Variants in PRR5L observed in about 807,000 individuals in gnomAD.
PRR5L encodes proline-rich protein 5-like.
A neutral mutation model predicts 36.4 loss-of-function variants in PRR5L; 21 were observed. The observed-to-expected ratio is 0.58, with a 90% confidence interval of 0.41 to 0.83. The LOEUF (loss-of-function observed/expected upper bound fraction) is 0.83. PRR5L is among the 40% of genes least tolerant of loss of function. The pLI is 0.00. For missense variants in PRR5L, 381 were observed against 473.3 expected (o/e 0.80, Z 1.81); for synonymous variants, 188 against 197.0 (o/e 0.95, Z 0.38).
chr11:36,459,407 C>G (rs558835500), intron 8 of PRR5L, among the ~76,000 whole-genome samples: 1 of 152,294 alleles, frequency 6.6e-6, no homozygotes, highest in Non-Finnish European at 1.5e-5. Context: ...TTTGCTTCCT[C>G]TCTTGGGACT....
intron 3 of PRR5L, among the ~76,000 whole-genome samples, chr11:36,418,106 G>A (rs1858185115): frequency 1.3e-5 from 2 of 152,158 alleles, no homozygotes; most frequent in African/African-American, 4.8e-5. Context: ...TTATTAACGT[G>A]CTATCTATCC....
chr11:36,418,319 A>G (rs1393183754), intron 3 of PRR5L, among the ~76,000 whole-genome samples: 1 of 151,958 alleles, frequency 6.6e-6, no homozygotes, highest in Non-Finnish European at 1.5e-5. Context: ...CACCCAAACC[A>G]TGGTACCAAG....
At chr11:36,350,954 A>AGT (rs1554986957) in intron 1 of PRR5L, among the ~76,000 whole-genome samples, 2 of 13,986 alleles carry the variant, frequency 1.4e-4, no homozygotes, top group East Asian at 6.5e-3. Flanking sequence ...ATATATATTT[A>AGT]TATATATTTA....
chr11:36,343,975 G>A (rs71481912), intron 1 of PRR5L, among the ~76,000 whole-genome samples: 3,617 of 151,796 alleles, frequency 0.024, 64 homozygotes, highest in South Asian at 0.04. Context: ...CGAGCACTTT[G>A]GGAGGCCGAG....
chr11:36,296,758 A>G (rs1022234526), intron 1 of PRR5L, among the ~76,000 whole-genome samples: 4 of 152,178 alleles, frequency 2.6e-5, no homozygotes, highest in Non-Finnish European at 5.9e-5. Context: ...CTCTTTCTCT[A>G]TGTATTGCAT....
At chr11:36,383,871 T>C (rs1041934222) in intron 1 of PRR5L, among the ~76,000 whole-genome samples, 20 of 152,048 alleles carry the variant, frequency 1.3e-4, no homozygotes, top group African/African-American at 4.6e-4. Flanking sequence ...AATTTTTGTA[T>C]CTTTAGTAGA....
At chr11:36,358,791 T>C (rs75259248) in intron 1 of PRR5L, among the ~76,000 whole-genome samples, 1 of 151,930 alleles carries the variant, frequency 6.6e-6, no homozygotes, top group East Asian at 1.9e-4. Context: ...AAATACACAA[T>C]GGAAGTAAGA....
intron 1 of PRR5L, among the ~76,000 whole-genome samples, chr11:36,316,594 C>G (rs535744621): frequency 5.1e-4 from 78 of 152,000 alleles, no homozygotes; most frequent in Non-Finnish European, 9.0e-4. Flanking sequence ...GGTCAGATCA[C>G]AGAACTGGTT....
chr11:36,346,680 G>A (rs978420463), intron 1 of PRR5L, among the ~76,000 whole-genome samples: 3 of 152,008 alleles, frequency 2.0e-5, no homozygotes, highest in Non-Finnish European at 4.4e-5. Context: ...TGAAATAATA[G>A]ACGAAACTGT....
At chr11:36,300,079 G>A (rs911911993) in intron 1 of PRR5L, among the ~76,000 whole-genome samples, 2 of 152,128 alleles carry the variant, frequency 1.3e-5, no homozygotes, top group Non-Finnish European at 2.9e-5. Flanking sequence ...GAATAATGAA[G>A]TACAAGTGAA....
chr11:36,448,081 C>T lies in PRR5L; in HGVS notation c.585+1641C>T, dbSNP rs547423584. Among the ~76,000 whole-genome samples the T allele has an allele frequency of 2.8e-4, 42 of 152,196 alleles. 1 individual carries two copies. The South Asian group carries it at 7.9e-3, about 29-fold the overall frequency. On this transcript the variant is annotated intron_variant, in intron 7 of 8. Coordinates refer to ENST00000530639, the MANE Select transcript of PRR5L (RefSeq NM_001160167.2). ...TGGTTTTGTGGGAAGGAGAATTGAT[C>T]CAGTCCTGCAGGTGAAGACTCTCAC...
intron 1 of PRR5L, among the ~76,000 whole-genome samples, chr11:36,309,921 A>G (rs1006947010): frequency 3.6e-3 from 10 of 2,746 alleles, no homozygotes; most frequent in Admixed American, 0.011. Context: ...GTTATGTGGC[A>G]ATTCTTTGAC....
intron 1 of PRR5L, chr11:36,376,296 G>A (rs1857257624): frequency 8.9e-7 from 1 of 1,124,888 alleles, no homozygotes; most frequent in Non-Finnish European, 1.1e-6. Flanking sequence ...GGAAAAGTGG[G>A]AGGAGAAGGA....
At chr11:36,446,717 C>T (rs1298085691) in intron 7 of PRR5L, among the ~76,000 whole-genome samples, 1 of 152,124 alleles carries the variant, frequency 6.6e-6, no homozygotes, top group African/African-American at 2.4e-5. Flanking sequence ...ATGCCCTTTT[C>T]CCCTCTCCAG....
intron 1 of PRR5L, among the ~76,000 whole-genome samples, chr11:36,354,512 A>G (rs1857006596): frequency 6.6e-6 from 1 of 152,238 alleles, no homozygotes; most frequent in African/African-American, 2.4e-5. Context: ...CTATATGCAC[A>G]GAAGCAGTGA....
chr11:36,445,536 G>A (rs944416587), intron 6 of PRR5L, among the ~76,000 whole-genome samples: 1 of 151,832 alleles, frequency 6.6e-6, no homozygotes, highest in Non-Finnish European at 1.5e-5. Context: ...TTCTCTTTTG[G>A]TCTTGGGAAA....
chr11:36,373,598 T>A (rs113688223), intron 1 of PRR5L, among the ~76,000 whole-genome samples: 169 of 136,468 alleles, frequency 1.2e-3, no homozygotes, highest in Middle Eastern at 3.7e-3. Context: ...GACTCTGTTT[T>A]AAAAAAAAAA....
chr11:36,462,769 T>G lies in PRR5L; in HGVS notation c.*33T>G. ...CCCCTGGGCCTTTCCATCTCCTGTTTTGCAACCAGGATGAGGACCCCTCCA... is the reference window on the plus strand; with the variant it reads ...CCCCTGGGCCTTTCCATCTCCTGTTGTGCAACCAGGATGAGGACCCCTCCA... On this transcript the variant is annotated 3_prime_UTR_variant, in exon 9 of 9. Coordinates refer to ENST00000530639, the MANE Select transcript of PRR5L (RefSeq NM_001160167.2). 6.6e-7 allele frequency: 1 copy of G among 1,510,534 alleles called. No homozygotes were observed. The highest frequency in any genetic ancestry group is 1.3e-5 in the South Asian group (1 of 74,536). The allele number at this position is 1,510,534 out of a possible 1,614,324, so 93.6% of individuals were successfully genotyped here.
chr11:36,325,290 G>A (rs56985814), intron 1 of PRR5L, among the ~76,000 whole-genome samples: 21,790 of 152,270 alleles, frequency 0.14, 1,711 homozygotes, highest in African/African-American at 0.21. Context: ...TGGGCGCCTC[G>A]CTGGATCAGG....
Sources: gnomAD v4.1 joint callset for allele counts (sites outside exome capture counted in the v4.1 genomes callset) on GRCh38, gnomAD v4.1.1 for gene constraint, MANE v1.5 for transcripts, NCBI Gene and HGNC (gene_info 2026-07-23, HGNC 2026-07-21) for gene names.